HCRTR2: variants seen among roughly 807,000 people sequenced by gnomAD.
The protein encoded by HCRTR2 is orexin receptor type 2.
A neutral mutation model predicts 49.0 loss-of-function variants in HCRTR2; 22 were observed. The observed-to-expected ratio is 0.45, with a 90% CI of 0.32 to 0.64. The LOEUF (loss-of-function observed/expected upper bound fraction) is 0.64. Ranked by LOEUF, HCRTR2 falls within the 30% of genes least tolerant of loss-of-function variation. The probability of loss-of-function intolerance (pLI) is 0.04; values close to 1 mark genes in which losing one functional copy is unlikely to be tolerated. For missense variants in HCRTR2, 491 were observed against 559.4 expected (o/e 0.88, Z 1.23); for synonymous variants, 236 against 205.3 (o/e 1.15, Z -1.28).
intron 1 of HCRTR2, among the ~76,000 whole-genome samples, chr6:55,156,453 C>T (rs140733463): frequency 1.9e-3 from 286 of 152,008 alleles, no homozygotes; most frequent in Middle Eastern, 6.8e-3. Context: ...GCAACTATTC[C>T]AGCTTTAAAC....
At chr6:55,111,798 C>G (rs1437381176) in intron 1 of HCRTR2, among the ~76,000 whole-genome samples, 2 of 152,096 alleles carry the variant, frequency 1.3e-5, no homozygotes, top group East Asian at 1.9e-4. Context: ...TTCTATGAAG[C>G]CAGCATCATC....
At chr6:55,122,180 G>C (rs1764210241) in intron 1 of HCRTR2, among the ~76,000 whole-genome samples, 1 of 152,046 alleles carries the variant, frequency 6.6e-6, no homozygotes, top group South Asian at 2.1e-4. Flanking sequence ...CTTCTTCCTG[G>C]TTTAGTCTTG....
At chr6:55,108,615 A>G (rs941980705) in intron 1 of HCRTR2, among the ~76,000 whole-genome samples, 6 of 151,866 alleles carry the variant, frequency 4.0e-5, no homozygotes, top group African/African-American at 1.5e-4. Flanking sequence ...AAGGAATATA[A>G]AAGTAGAAGC....
intron 1 of HCRTR2, among the ~76,000 whole-genome samples, chr6:55,129,259 C>T (rs891294095): frequency 6.6e-6 from 1 of 152,094 alleles, no homozygotes; most frequent in African/African-American, 2.4e-5. Flanking sequence ...GTTGACTAAT[C>T]ATATCCCCTT....
intron 1 of HCRTR2, among the ~76,000 whole-genome samples, chr6:55,147,374 A>T (rs919779608): frequency 1.4e-4 from 22 of 152,174 alleles, no homozygotes; most frequent in African/African-American, 5.3e-4. Flanking sequence ...TGGCTTAAGA[A>T]TACTATAAAT....
intron 1 of HCRTR2, among the ~76,000 whole-genome samples, chr6:55,184,646 T>G (rs1184337483): frequency 6.6e-6 from 1 of 152,220 alleles, no homozygotes; most frequent in African/African-American, 2.4e-5. Flanking sequence ...CGTGAATATT[T>G]CCCTACAGGT....
At chr6:55,128,639 A>G (rs1421108367) in intron 1 of HCRTR2, among the ~76,000 whole-genome samples, 7 of 152,208 alleles carry the variant, frequency 4.6e-5, no homozygotes, top group East Asian at 1.9e-4. Flanking sequence ...TTTCACCTTC[A>G]TAGTTAGCAG....
intron 1 of HCRTR2, among the ~76,000 whole-genome samples, chr6:55,225,054 T>G (rs189620646): frequency 2.3e-4 from 35 of 152,298 alleles, no homozygotes; most frequent in Admixed American, 1.9e-3. Flanking sequence ...ATTTTTTAAT[T>G]AGCTCCCTTT....
At chr6:55,251,258 T>C (rs1766544247) in intron 2 of HCRTR2, among the ~76,000 whole-genome samples, 1 of 152,150 alleles carries the variant, frequency 6.6e-6, no homozygotes, top group African/African-American at 2.4e-5. Context: ...CTATAATTTA[T>C]ATGTTCTTTT....
At chr6:55,109,326 CAGA>C (rs1295162825) in intron 1 of HCRTR2, among the ~76,000 whole-genome samples, 2 of 152,058 alleles carry the variant, frequency 1.3e-5, no homozygotes, top group Non-Finnish European at 2.9e-5. Flanking sequence ...TTAACAACCC[CAGA>C]AGATCACACT....
chr6:55,145,105 C>T (rs929334710), intron 1 of HCRTR2, among the ~76,000 whole-genome samples: 3 of 151,888 alleles, frequency 2.0e-5, no homozygotes, highest in African/African-American at 7.3e-5. Flanking sequence ...ATTTTACTTA[C>T]CAAATTCTGT....
At chr6:55,125,703 A>T (rs1024380667) in intron 1 of HCRTR2, among the ~76,000 whole-genome samples, 1 of 152,092 alleles carries the variant, frequency 6.6e-6, no homozygotes, top group Non-Finnish European at 1.5e-5. Flanking sequence ...TATCCTGAAG[A>T]GTGTTTTCCA....
intron 1 of HCRTR2, among the ~76,000 whole-genome samples, chr6:55,229,821 T>C (rs1004829075): frequency 1.3e-5 from 2 of 152,190 alleles, no homozygotes; most frequent in African/African-American, 4.8e-5. Context: ...CTGTACAACA[T>C]TGTGCCTACA....
intron 1 of HCRTR2, among the ~76,000 whole-genome samples, chr6:55,166,955 A>G (rs201190107): frequency 1.9e-5 from 1 of 53,794 alleles, no homozygotes; most frequent in African/African-American, 7.5e-5. Flanking sequence ...ACAAAACCCA[A>G]CATTTAAAGG....
At chr6:55,263,654 TA>T in intron 3 of HCRTR2, 52 bp from the exon 4 acceptor site, 5 of 926,668 alleles carry the variant, frequency 5.4e-6, no homozygotes, top group Non-Finnish European at 8.8e-6. Context: ...GTATCTTTTT[TA>T]AAAGTCCATC....
chr6:55,110,095 C>G (rs903801493), intron 1 of HCRTR2, among the ~76,000 whole-genome samples: 1 of 151,982 alleles, frequency 6.6e-6, no homozygotes, highest in African/African-American at 2.4e-5. Context: ...TGATTATCAG[C>G]CAAGAATTTT....
At position 55,174,541 on chromosome 6, in the gene HCRTR2, G is replaced by A. The variant is rs201875216; in HGVS notation, c.-47G>A. ...CAAATCACCAGTGCTCATGGGGCAG[G>A]CGGAGAGGAGCTTGCAGCATTGAGC... On this transcript the variant is annotated 5_prime_UTR_variant, in exon 1 of 7. Transcript: ENST00000370862. 1.8e-5 allele frequency: 27 copies of A among 1,483,906 alleles called. No individual in the cohort carries two copies. The highest frequency in any genetic ancestry group is 2.3e-5 in the Non-Finnish European group (24 of 1,061,586). The allele number at this position is 1,483,906 out of a possible 1,614,324, so 91.9% of individuals were successfully genotyped here.
intron 3 of HCRTR2, among the ~76,000 whole-genome samples, chr6:55,258,069 A>T (rs1766686289): frequency 6.6e-6 from 1 of 152,084 alleles, no homozygotes; most frequent in Non-Finnish European, 1.5e-5. Context: ...TCGACTTATA[A>T]TGTTAAACCT....
At chr6:55,145,390 T>A (rs2127255149) in intron 1 of HCRTR2, among the ~76,000 whole-genome samples, 1 of 86,170 alleles carries the variant, frequency 1.2e-5, no homozygotes, top group South Asian at 5.4e-4. Context: ...CATAACATTC[T>A]TTGTTTTTTT....
Sources: allele counts gnomAD v4.1 joint callset (sites outside exome capture counted in the v4.1 genomes callset), GRCh38; gene constraint gnomAD v4.1.1; transcripts MANE v1.5; gene names NCBI Gene and HGNC (gene_info 2026-07-23, HGNC 2026-07-21).